The following IL1RAPL2 variants were observed in gnomAD, a reference collection of about 807,000 sequenced individuals.
IL1RAPL2 encodes the protein interleukin 1 receptor accessory protein like 2, also known as X-linked interleukin-1 receptor accessory protein-like 2.
IL1RAPL2 carries 3 observed loss-of-function variants against 44.1 expected under a neutral mutation model. That is an observed-to-expected ratio of 0.07 (90% CI 0.03 to 0.18). The LOEUF (loss-of-function observed/expected upper bound fraction) is 0.18, where lower values mean the gene tolerates loss of function less well. Ranked by LOEUF, IL1RAPL2 falls within the 10% of genes least tolerant of loss-of-function variation. IL1RAPL2 has a pLI of 1.00. For missense variants in IL1RAPL2, 391 were observed against 496.4 expected (o/e 0.79, Z 2.02); for synonymous variants, 181 against 178.8 (o/e 1.01, Z -0.10).
chrX:105,079,150 C>T (rs768530039), intron 2 of IL1RAPL2, among the ~76,000 whole-genome samples: 2 of 111,556 alleles, frequency 1.8e-5, no homozygotes, highest in East Asian at 2.9e-4. Flanking sequence ...GACTGGAGCT[C>T]GCCAAATTTT....
chrX:105,007,879 G>C (rs1464448164), intron 2 of IL1RAPL2, among the ~76,000 whole-genome samples: 2 of 114,710 alleles, frequency 1.7e-5, no homozygotes, highest in African/African-American at 6.3e-5. Context: ...GAAATGCCAA[G>C]AAGAGAAAAG....
intron 2 of IL1RAPL2, among the ~76,000 whole-genome samples, chrX:104,912,926 C>T (rs1403058253): frequency 8.9e-6 from 1 of 111,926 alleles, no homozygotes; most frequent in Non-Finnish European, 1.9e-5. Context: ...TAATCCTTAT[C>T]ATCAAGGATC....
chrX:105,487,197 G>A (rs1252985536), intron 6 of IL1RAPL2, among the ~76,000 whole-genome samples: 1 of 110,299 alleles, frequency 9.1e-6, no homozygotes. Context: ...ACTCTCCTCT[G>A]CTATTAGGCA....
intron 2 of IL1RAPL2, among the ~76,000 whole-genome samples, chrX:104,682,975 A>G (rs1930916319): frequency 8.9e-6 from 1 of 111,787 alleles, no homozygotes; most frequent in Non-Finnish European, 1.9e-5. Flanking sequence ...ATAACTGCTA[A>G]TTGCCAAGCA....
At chrX:104,637,066 G>A (rs1474393743) in intron 1 of IL1RAPL2, among the ~76,000 whole-genome samples, 1 of 104,419 alleles carries the variant, frequency 9.6e-6, no homozygotes, top group Non-Finnish European at 1.9e-5. Context: ...GGTAGTTTGG[G>A]ATTTTTTTTT....
chrX:105,240,205 C>T (rs1556206671), intron 4 of IL1RAPL2, among the ~76,000 whole-genome samples: 1 of 112,607 alleles, frequency 8.9e-6, no homozygotes, highest in Non-Finnish European at 1.9e-5. Context: ...AAGGCAGCTG[C>T]CCTGGTTCTC....
intron 2 of IL1RAPL2, among the ~76,000 whole-genome samples, chrX:104,824,174 T>C (rs1921387495): frequency 8.9e-6 from 1 of 112,412 alleles, no homozygotes; most frequent in Admixed American, 9.5e-5. Context: ...TTTCTGTTTA[T>C]GTGATGGATT....
At chrX:105,617,370 C>T (rs1466209634) in intron 6 of IL1RAPL2, among the ~76,000 whole-genome samples, 1 of 110,760 alleles carries the variant, frequency 9.0e-6, no homozygotes, top group Non-Finnish European at 1.9e-5. Flanking sequence ...CCCTGAGTGG[C>T]CACTGACAAC....
At chrX:105,029,083 A>C (rs192983416) in intron 2 of IL1RAPL2, among the ~76,000 whole-genome samples, 1 of 109,602 alleles carries the variant, frequency 9.1e-6, no homozygotes, top group Non-Finnish European at 1.9e-5. Context: ...TATGAAGTCT[A>C]ATTATCATTC....
At chrX:105,118,791 G>A (rs1045759509) in intron 2 of IL1RAPL2, among the ~76,000 whole-genome samples, 5 of 112,083 alleles carry the variant, frequency 4.5e-5, no homozygotes, top group East Asian at 2.8e-4. Flanking sequence ...AGATGTGAGC[G>A]TATTCGGAAA....
intron 2 of IL1RAPL2, among the ~76,000 whole-genome samples, chrX:104,712,215 T>C (rs761856966): frequency 9.0e-6 from 1 of 110,906 alleles, no homozygotes; most frequent in African/African-American, 3.3e-5. Flanking sequence ...TAACTCTCCC[T>C]TTTCCCTGGA....
At chrX:104,614,793 C>A (rs184829257) in intron 1 of IL1RAPL2, among the ~76,000 whole-genome samples, 1 of 111,839 alleles carries the variant, frequency 8.9e-6, no homozygotes, top group East Asian at 2.8e-4. Flanking sequence ...TCTGTTTTAT[C>A]TGACATAAGA....
chrX:105,666,509 A>G (rs1043433984), intron 6 of IL1RAPL2, among the ~76,000 whole-genome samples: 1 of 112,098 alleles, frequency 8.9e-6, no homozygotes, highest in East Asian at 2.8e-4. Flanking sequence ...GGAATTTACA[A>G]TATAGTGTGT....
At chrX:104,813,570 C>A (rs955602899) in intron 2 of IL1RAPL2, among the ~76,000 whole-genome samples, 2 of 111,230 alleles carry the variant, frequency 1.8e-5, no homozygotes, top group African/African-American at 6.5e-5. Flanking sequence ...TGCTATATGC[C>A]GAGTTTTTTG....
Sources: gnomAD v4.1 joint callset for allele counts (sites outside exome capture counted in the v4.1 genomes callset) on GRCh38, gnomAD v4.1.1 for gene constraint, MANE v1.5 for transcripts, NCBI Gene and HGNC (gene_info 2026-07-23, HGNC 2026-07-21) for gene names.